The following XKR4 variants were observed in gnomAD, a reference collection of about 807,000 sequenced individuals.
The protein encoded by XKR4 is XK related 4.
Under a neutral mutation model 53.9 loss-of-function variants are expected in XKR4, and 12 were observed. The observed-to-expected ratio is 0.22, with a 90% CI of 0.14 to 0.36. The LOEUF is 0.36. XKR4 is among the 10% of genes least tolerant of loss of function. XKR4 has a pLI of 1.00. For synonymous variants in XKR4, 354 were observed against 362.4 expected (o/e 0.98, Z 0.26); for missense variants, 799 against 859.5 (o/e 0.93, Z 0.88).
At chr8:55,505,881 A>C (rs919598570) in intron 2 of XKR4, among the ~76,000 whole-genome samples, 12 of 152,246 alleles carry the variant, frequency 7.9e-5, no homozygotes, top group Non-Finnish European at 7.3e-5. Context: ...AGATACATGA[A>C]GTAATTTGTT....
At chr8:55,271,066 A>G (rs1818684416) in intron 1 of XKR4, among the ~76,000 whole-genome samples, 2 of 152,156 alleles carry the variant, frequency 1.3e-5, no homozygotes, top group South Asian at 2.1e-4. Flanking sequence ...GACAGTTGCC[A>G]TCTTCTCCTC....
chr8:55,165,673 C>T (rs1474967428), intron 1 of XKR4, among the ~76,000 whole-genome samples: 1 of 151,442 alleles, frequency 6.6e-6, no homozygotes, highest in Non-Finnish European at 1.5e-5. Flanking sequence ...GGTGTGGTGG[C>T]GGGTGCCTGT....
At chr8:55,328,199 A>C (rs930670197) in intron 1 of XKR4, among the ~76,000 whole-genome samples, 9 of 152,304 alleles carry the variant, frequency 5.9e-5, no homozygotes, top group African/African-American at 2.2e-4. Flanking sequence ...GTTACAATTC[A>C]AGATGAGATT....
intron 2 of XKR4, among the ~76,000 whole-genome samples, chr8:55,511,626 C>A (rs529968007): frequency 1.3e-5 from 2 of 152,346 alleles, no homozygotes; most frequent in East Asian, 3.9e-4. Context: ...GATTTCTCTG[C>A]AAATCCTGGA....
intron 2 of XKR4, among the ~76,000 whole-genome samples, chr8:55,480,986 T>C (rs940314056): frequency 4.6e-5 from 7 of 152,184 alleles, no homozygotes; most frequent in Non-Finnish European, 8.8e-5. Flanking sequence ...AGGTAATTTA[T>C]AGATTCAATG....
intron 2 of XKR4, chr8:55,451,750 C>T (rs1391906642): frequency 1.1e-5 from 13 of 1,140,748 alleles, no homozygotes; most frequent in South Asian, 1.0e-4. Context: ...AGACTTGGCC[C>T]GGCTCAGGCG....
intron 2 of XKR4, among the ~76,000 whole-genome samples, chr8:55,393,565 G>C (rs979711701): frequency 6.6e-6 from 1 of 152,128 alleles, no homozygotes; most frequent in African/African-American, 2.4e-5. Context: ...GCTTTTGTTT[G>C]GTTTGAAATC....
intron 2 of XKR4, among the ~76,000 whole-genome samples, chr8:55,373,422 C>A (rs1400213387): frequency 6.6e-6 from 1 of 152,182 alleles, no homozygotes; most frequent in Non-Finnish European, 1.5e-5. Context: ...CCGCCTTGGC[C>A]TCCCAAAGTA....
At chr8:55,115,141 A>T (rs922386383) in intron 1 of XKR4, among the ~76,000 whole-genome samples, 5 of 152,222 alleles carry the variant, frequency 3.3e-5, no homozygotes, top group African/African-American at 1.2e-4. Flanking sequence ...CAAGATGCCC[A>T]GGTGATTAGT....
chr8:55,348,641 TAG>T (rs36021794), intron 1 of XKR4, among the ~76,000 whole-genome samples: 32,220 of 150,512 alleles, frequency 0.21, 3,733 homozygotes, highest in African/African-American at 0.31. Context: ...ACTGGATGAA[TAG>T]AGATAATGGA....
intron 1 of XKR4, among the ~76,000 whole-genome samples, chr8:55,157,856 T>C (rs1816929932): frequency 6.6e-6 from 1 of 152,166 alleles, no homozygotes; most frequent in African/African-American, 2.4e-5. Context: ...ACATGATCTC[T>C]CTCTCTTTTT....
chr8:55,452,985 C>A, intron 2 of XKR4: 1 of 698,754 alleles, frequency 1.4e-6, no homozygotes, highest in Non-Finnish European at 2.7e-6. Context: ...TGGCCACAGG[C>A]ACCACTGCTC....
intron 1 of XKR4, among the ~76,000 whole-genome samples, chr8:55,346,211 G>A (rs572011554): frequency 4.0e-5 from 6 of 151,308 alleles, no homozygotes; most frequent in Middle Eastern, 6.9e-3. Context: ...TCAGCCTTCC[G>A]AGTAGCAGGG....
chr8:55,366,014 C>CT (rs1213074550), intron 2 of XKR4, among the ~76,000 whole-genome samples: 1 of 152,230 alleles, frequency 6.6e-6, no homozygotes, highest in African/African-American at 2.4e-5. Context: ...CACAGGCCGG[C>CT]TGCTGCTGCC....
At position 55,343,719 on chromosome 8, in the gene XKR4, A is replaced by G. The variant is rs926803904; in HGVS notation, c.807-13959A>G. ...CAACCACTAAAGTATTTCAGACTCA[A>G]TCTAGCCAGACCTTGGGTTCTTTTA... On this transcript the variant is annotated intron_variant, in intron 1 of 2. Transcript: ENST00000327381. Among the ~76,000 whole-genome samples, 13 of 152,246 alleles carry G rather than the reference A, an allele frequency of 8.5e-5. No individual in the cohort carries two copies. The East Asian group carries it at 1.9e-3, about 23-fold the overall frequency.
intron 2 of XKR4, among the ~76,000 whole-genome samples, chr8:55,499,849 T>C (rs1806409006): frequency 6.6e-6 from 1 of 152,186 alleles, no homozygotes; most frequent in African/African-American, 2.4e-5. Context: ...ATCACTGTAA[T>C]TCAGGATGGA....
At chr8:55,278,971 A>T (rs1818801354) in intron 1 of XKR4, among the ~76,000 whole-genome samples, 1 of 152,146 alleles carries the variant, frequency 6.6e-6, no homozygotes, top group South Asian at 2.1e-4. Flanking sequence ...AAAAACAAAA[A>T]CCCAGACATT....
intron 2 of XKR4, among the ~76,000 whole-genome samples, chr8:55,484,471 C>T (rs745910173): frequency 1.3e-5 from 2 of 152,160 alleles, no homozygotes; most frequent in Admixed American, 6.5e-5. Flanking sequence ...GAATGATACA[C>T]CATAACCAAG....
At chr8:55,300,646 A>G (rs940780177) in intron 1 of XKR4, among the ~76,000 whole-genome samples, 5 of 152,096 alleles carry the variant, frequency 3.3e-5, no homozygotes, top group African/African-American at 1.2e-4. Flanking sequence ...CACAAGGGGG[A>G]GGAGCAAGCA....
Sources: allele counts gnomAD v4.1 joint callset (sites outside exome capture counted in the v4.1 genomes callset), GRCh38; gene constraint gnomAD v4.1.1; transcripts MANE v1.5; gene names NCBI Gene and HGNC (gene_info 2026-07-23, HGNC 2026-07-21).